NDUFA5: variants seen among roughly 807,000 people sequenced by gnomAD.
NDUFA5 encodes NADH:ubiquinone oxidoreductase subunit A5, also known as NADH dehydrogenase [ubiquinone] 1 alpha subcomplex subunit 5.
In NDUFA5, 11 loss-of-function variants were observed where a neutral mutation model predicts 19.8. The ratio of observed to expected loss-of-function variants is 0.56; its 90% CI spans 0.35 to 0.92. The LOEUF is 0.92. Ranked by LOEUF, NDUFA5 falls within the 40% of genes least tolerant of loss-of-function variation. The pLI is 0.01. For missense variants in NDUFA5, 109 were observed against 134.2 expected, an observed-to-expected ratio of 0.81 and a Z score of 0.93; for synonymous variants, 47 against 46.8, an observed-to-expected ratio of 1.00 and a Z score of -0.01.
the NDUFA5 span, among the ~76,000 whole-genome samples, chr7:123,570,337 G>C: frequency 6.6e-6 from 1 of 152,032 alleles, no homozygotes; most frequent in Non-Finnish European, 1.5e-5. Flanking sequence ...CGCCCAGCCT[G>C]CCATAGCTCT....
Position 123,542,001 on chromosome 7 carries a change from C to G in NDUFA5, c.*118G>C, listed in dbSNP as rs1797957182. On this transcript the variant is annotated 3_prime_UTR_variant, in exon 5 of 5. Coordinates refer to ENST00000355749, the MANE Select transcript of NDUFA5 (RefSeq NM_005000.5). ...AATCACCAATTTTAACAGTCTCCTACATATTTTCTATATCACTTTTCTTGA... is the reference window on the plus strand; with the variant it reads ...AATCACCAATTTTAACAGTCTCCTAGATATTTTCTATATCACTTTTCTTGA... 4.9e-6 allele frequency: 3 copies of G among 617,620 alleles called. No individual in the cohort carries two copies. In the East Asian group the frequency reaches 1.0e-4, roughly 21 times the overall value. The allele number at this position is 617,620 out of a possible 1,614,324, so 38.3% of individuals were successfully genotyped here. A position where few individuals can be genotyped will look rare whatever the true frequency, so the allele number is the denominator to read the frequency against.
the NDUFA5 span, among the ~76,000 whole-genome samples, chr7:123,571,986 G>A: frequency 0.015 from 2,290 of 151,826 alleles, 52 homozygotes; most frequent in African/African-American, 0.052. Context: ...TCTTTTGTAG[G>A]GATCTTGCCC....
At chr7:123,570,853 A>C in the NDUFA5 span, among the ~76,000 whole-genome samples, 1 of 152,114 alleles carries the variant, frequency 6.6e-6, no homozygotes, top group Non-Finnish European at 1.5e-5. Context: ...GTCCATATGG[A>C]TTTCTCTTCA....
intron 4 of NDUFA5, 48 bp downstream of exon 4, chr7:123,545,563 G>C: frequency 7.1e-7 from 1 of 1,417,290 alleles, no homozygotes; most frequent in Non-Finnish European, 9.9e-7. Flanking sequence ...AACGTCAGTT[G>C]TGTGTCTCTA....
Position 123,538,218 on chromosome 7 carries a change from C to A in NDUFA5, c.*3901G>T, listed in dbSNP as rs1249280501. The stretch of plus-strand genomic sequence containing the variant: ...GATTCCTTGTGGGTCTATGAGCACT[C>A]CTTGCCAACCCTCCTTAGACATGCA... On this transcript the variant is annotated 3_prime_UTR_variant, in exon 5 of 5. Coordinates refer to ENST00000355749, the MANE Select transcript of NDUFA5 (RefSeq NM_005000.5). The A allele has an allele frequency of 2.0e-5, 3 of 152,200 alleles. No individual in the cohort carries two copies. The highest frequency in any genetic ancestry group is 2.9e-5 in the Non-Finnish European group (2 of 68,044). 9.4% of individuals were successfully genotyped at this position (152,200 alleles called of 1,614,324 possible).
the NDUFA5 span, among the ~76,000 whole-genome samples, chr7:123,563,686 G>A: frequency 7.6e-4 from 115 of 152,256 alleles, no homozygotes; most frequent in Admixed American, 1.2e-3. Flanking sequence ...AAATATCTGC[G>A]AAGTAAAACA....
intron 2 of NDUFA5, among the ~76,000 whole-genome samples, chr7:123,551,209 T>C (rs1798324218): frequency 6.8e-6 from 1 of 147,612 alleles, no homozygotes; most frequent in Non-Finnish European, 1.5e-5. Flanking sequence ...TTTTCTTTCT[T>C]TCTTTTTTTT....
At chr7:123,557,685 A>G in intron 1 of NDUFA5, 90 bp downstream of exon 1, 1 of 1,614,070 alleles carries the variant, frequency 6.2e-7, no homozygotes, top group Non-Finnish European at 8.5e-7. Context: ...AGCCCGCGAC[A>G]GTAGGGGTCA....
At position 123,550,588 on chromosome 7, in the gene NDUFA5, T is replaced by C. The variant is rs1584695718; in HGVS notation, c.67-2A>G. On this transcript the variant is annotated splice_acceptor_variant, in intron 2 of 4. Coordinates refer to ENST00000355749, the MANE Select transcript of NDUFA5 (RefSeq NM_005000.5). LOFTEE classifies it high-confidence loss of function. ...CTTTGTGTACAATATTCTTAGCCTC[T>C]GAAAAGACAAACCATACAAATTTCC... The C allele has an allele frequency of 1.9e-6, 3 of 1,554,572 alleles. No individual in the cohort carries two copies. The highest frequency in any genetic ancestry group is 2.3e-5 in the East Asian group (1 of 44,338).
intron 2 of NDUFA5, among the ~76,000 whole-genome samples, chr7:123,552,586 G>GT (rs1193317020): frequency 7.8e-6 from 1 of 128,350 alleles, no homozygotes; most frequent in Non-Finnish European, 1.6e-5. Flanking sequence ...GTATACCTAT[G>GT]TAACAAACCT....
the NDUFA5 span, among the ~76,000 whole-genome samples, chr7:123,600,335 A>G: frequency 3.9e-5 from 6 of 152,222 alleles, no homozygotes; most frequent in Non-Finnish European, 4.4e-5. Context: ...GTATAGGTAG[A>G]TCTATAACAA....
the NDUFA5 span, among the ~76,000 whole-genome samples, chr7:123,583,804 G>T: frequency 1.3e-5 from 2 of 151,856 alleles, no homozygotes; most frequent in African/African-American, 2.4e-5. Context: ...GGACAAGATG[G>T]AAAACCAGGA....
At chr7:123,558,742 T>C (rs745323500), upstream of NDUFA5, among the ~76,000 whole-genome samples, 7 of 152,196 alleles carry the variant, frequency 4.6e-5, no homozygotes, top group Admixed American at 2.6e-4. Context: ...GTTAAGATTA[T>C]GAAAGGTGTT....
At chr7:123,544,162 T>C (rs537060832) in intron 4 of NDUFA5, among the ~76,000 whole-genome samples, 2 of 152,156 alleles carry the variant, frequency 1.3e-5, no homozygotes, top group South Asian at 4.1e-4. Flanking sequence ...AAACCTATAA[T>C]ATGAGGGTTG....
chr7:123,557,132 G>T (rs1798584834), intron 2 of NDUFA5: 2 of 652,248 alleles, frequency 3.1e-6, no homozygotes, highest in African/African-American at 1.8e-5. Context: ...TTGAGATGGC[G>T]CTGACAGAAG....
Position 123,545,593 on chromosome 7 carries a change from A to C in NDUFA5, c.249+18T>G, listed in dbSNP as rs370645729. The C allele has an allele frequency of 5.5e-5, 88 of 1,603,344 alleles. No individual in the cohort carries two copies. Among genetic ancestry groups the C allele is most frequent in the Non-Finnish European group, 7.2e-5 (84 of 1,172,138 alleles). ...TCTCTATGAAACCAAACACCTAAAT[A>C]GTCAACTTTTTCTTTACCTGAAGAA... On this transcript the variant is annotated intron_variant, in intron 4 of 4. Transcript: ENST00000355749.
chr7:123,570,438 T>C, the NDUFA5 span, among the ~76,000 whole-genome samples: 5 of 151,554 alleles, frequency 3.3e-5, no homozygotes, highest in African/African-American at 1.2e-4. Flanking sequence ...TGGCAGGGAC[T>C]GTTACTGGTA....
At position 123,545,748 on chromosome 7, in the gene NDUFA5, A is replaced by T. The variant is rs1798110008; in HGVS notation, c.184-72T>A. 5.1e-6 allele frequency: 5 copies of T among 988,114 alleles called. 1 individual carries two copies. The South Asian group carries it at 7.7e-5, about 15-fold the overall frequency. 61.2% of individuals were successfully genotyped at this position (988,114 alleles called of 1,614,324 possible). A position where few individuals can be genotyped will look rare whatever the true frequency, so the allele number is the denominator to read the frequency against. ...TGTTTCAATATCCTATATATTTTAA[A>T]ATTCCTATATAAAAACACTTAAAAA... is the stretch of plus-strand genomic sequence containing the variant. On this transcript the variant is annotated intron_variant, in intron 3 of 4. Transcript: ENST00000355749.
the NDUFA5 span, among the ~76,000 whole-genome samples, chr7:123,598,325 A>G: frequency 6.6e-6 from 1 of 152,224 alleles, no homozygotes; most frequent in African/African-American, 2.4e-5. Flanking sequence ...GTTATTACAC[A>G]GTAGGAAACT....
Sources: allele counts gnomAD v4.1 joint callset (sites outside exome capture counted in the v4.1 genomes callset), GRCh38; gene constraint gnomAD v4.1.1; transcripts MANE v1.5; gene names NCBI Gene and HGNC (gene_info 2026-07-23, HGNC 2026-07-21).